Variants in CSMD1 observed in about 807,000 individuals in gnomAD.
CSMD1 encodes CUB and sushi domain-containing protein 1.
Under a neutral mutation model 417.5 loss-of-function variants are expected in CSMD1, and 213 were observed. That is an observed-to-expected ratio of 0.51 (90% CI 0.46 to 0.57). The LOEUF (loss-of-function observed/expected upper bound fraction) is 0.57. Among genes scored for constraint, CSMD1 ranks in the 20% least tolerant of loss-of-function variants. The pLI is 0.00. For synonymous variants in CSMD1, 2,862 were observed against 1,736.8 expected, an observed-to-expected ratio of 1.65 and a Z score of -16.11; for missense variants, 6,923 against 4,529.7, an observed-to-expected ratio of 1.53 and a Z score of -15.17.
intron 41 of CSMD1, among the ~76,000 whole-genome samples, chr8:3,142,079 G>A (rs904327609): frequency 1.2e-4 from 19 of 152,082 alleles, no homozygotes; most frequent in African/African-American, 4.1e-4. Flanking sequence ...TTACAGGCGT[G>A]AGCCACCGCG....
chr8:4,180,075 T>A (rs1798268704), intron 3 of CSMD1, among the ~76,000 whole-genome samples: 1 of 152,158 alleles, frequency 6.6e-6, no homozygotes, highest in South Asian at 2.1e-4. Context: ...ATCCCATTAC[T>A]GGGTATATAC....
At chr8:4,348,053 C>G (rs557851541) in intron 3 of CSMD1, among the ~76,000 whole-genome samples, 1 of 152,194 alleles carries the variant, frequency 6.6e-6, no homozygotes, top group African/African-American at 2.4e-5. Flanking sequence ...ACAACATACT[C>G]CAAAATACAC....
chr8:3,790,233 C>G (rs190023284), intron 5 of CSMD1, among the ~76,000 whole-genome samples: 1 of 152,276 alleles, frequency 6.6e-6, no homozygotes, highest in East Asian at 1.9e-4. Context: ...ACTCCTTTAT[C>G]AGGGAAGAGT....
intron 3 of CSMD1, among the ~76,000 whole-genome samples, chr8:4,043,822 G>A (rs1056727258): frequency 7.2e-5 from 11 of 152,102 alleles, no homozygotes; most frequent in African/African-American, 2.7e-4. Flanking sequence ...TCCAAATGAG[G>A]CATCATTATT....
rs796601813 is a variant in CSMD1 at position 4,008,600 on chromosome 8, C to A, written c.611-10490G>T. On this transcript the variant is annotated intron_variant, in intron 4 of 69. Transcript: ENST00000635120. ...GATTCAGTATTTTCTTTCTTTTTTTCTTTTTTTTTTTTTTTTTTTTTTTTT... is the reference window on the plus strand; with the variant it reads ...GATTCAGTATTTTCTTTCTTTTTTTATTTTTTTTTTTTTTTTTTTTTTTTT... Among the ~76,000 whole-genome samples, 243 of 80,456 alleles carry A rather than the reference C, an allele frequency of 3.0e-3. 3 individuals carry two copies. The highest frequency in any genetic ancestry group is 0.012 in the African/African-American group (233 of 18,944). The allele number at this position is 80,456 out of a possible 152,430, so 52.8% of individuals were successfully genotyped here. A position where few individuals can be genotyped will look rare whatever the true frequency, so the allele number is the denominator to read the frequency against.
intron 3 of CSMD1, among the ~76,000 whole-genome samples, chr8:4,100,293 T>C (rs1421850909): frequency 6.6e-6 from 1 of 152,218 alleles, no homozygotes; most frequent in Non-Finnish European, 1.5e-5. Flanking sequence ...TGTATCTTAT[T>C]AGTATCTTTT....
chr8:4,179,649 G>A (rs952745889), intron 3 of CSMD1, among the ~76,000 whole-genome samples: 177 of 152,138 alleles, frequency 1.2e-3, no homozygotes, highest in African/African-American at 3.9e-3. Context: ...GCAACCTACA[G>A]AATGGGAGGA....
At chr8:4,114,808 C>G (rs751717298) in intron 3 of CSMD1, among the ~76,000 whole-genome samples, 18 of 152,094 alleles carry the variant, frequency 1.2e-4, no homozygotes, top group African/African-American at 3.9e-4. Context: ...GTAGAAATAG[C>G]GAGAGGTAAA....
At chr8:3,923,488 C>A (rs1427055613) in intron 5 of CSMD1, among the ~76,000 whole-genome samples, 1 of 152,136 alleles carries the variant, frequency 6.6e-6, no homozygotes, top group Non-Finnish European at 1.5e-5. Flanking sequence ...CATGTTTACC[C>A]TTAAAGGTAT....
intron 5 of CSMD1, among the ~76,000 whole-genome samples, chr8:3,773,431 C>T (rs912705953): frequency 6.6e-6 from 1 of 152,048 alleles, no homozygotes; most frequent in Non-Finnish European, 1.5e-5. Context: ...GGACGACAGT[C>T]ATGCACCACT....
At chr8:3,226,111 G>A (rs1798487312) in intron 27 of CSMD1, among the ~76,000 whole-genome samples, 1 of 152,156 alleles carries the variant, frequency 6.6e-6, no homozygotes. Context: ...CGTTGGGGGC[G>A]ATAAATATTT....
chr8:3,548,335 T>C (rs1798763525), intron 10 of CSMD1, among the ~76,000 whole-genome samples: 1 of 152,064 alleles, frequency 6.6e-6, no homozygotes, highest in Non-Finnish European at 1.5e-5. Flanking sequence ...GAACAGGTGG[T>C]ATTTGGTTAC....
chr8:4,345,282 G>T (rs1281958675), intron 3 of CSMD1, among the ~76,000 whole-genome samples: 3 of 152,146 alleles, frequency 2.0e-5, no homozygotes, highest in African/African-American at 7.2e-5. Flanking sequence ...TGCTTTCTAT[G>T]AGGATTAACG....
At chr8:4,800,635 G>A (rs1181269733) in intron 1 of CSMD1, among the ~76,000 whole-genome samples, 3 of 152,178 alleles carry the variant, frequency 2.0e-5, no homozygotes, top group Non-Finnish European at 2.9e-5. Flanking sequence ...CATCTTTGGT[G>A]CAATCCCCCA....
intron 7 of CSMD1, among the ~76,000 whole-genome samples, chr8:3,658,423 T>C (rs201423301): frequency 6.7e-6 from 1 of 148,614 alleles, no homozygotes; most frequent in East Asian, 1.9e-4. Flanking sequence ...AGTAATGTTT[T>C]GTTTTAATGA....
At chr8:3,955,924 G>C (rs1195082556) in intron 5 of CSMD1, among the ~76,000 whole-genome samples, 1 of 152,146 alleles carries the variant, frequency 6.6e-6, no homozygotes, top group African/African-American at 2.4e-5. Flanking sequence ...GGTTAAAGCA[G>C]CTGGGATTAC....
chr8:3,104,574 GATA>G (rs1815992896), intron 46 of CSMD1, among the ~76,000 whole-genome samples: 1 of 152,076 alleles, frequency 6.6e-6, no homozygotes, highest in African/African-American at 2.4e-5. Flanking sequence ...ATGGATATCT[GATA>G]ATAATTCATT....
chr8:4,210,128 G>A (rs1198710061), intron 3 of CSMD1, among the ~76,000 whole-genome samples: 2 of 152,146 alleles, frequency 1.3e-5, no homozygotes, highest in African/African-American at 2.4e-5. Context: ...TCCTTCCTGG[G>A]CAAAGCATTT....
chr8:4,370,968 G>T (rs565571336), intron 3 of CSMD1, among the ~76,000 whole-genome samples: 37 of 152,322 alleles, frequency 2.4e-4, no homozygotes, highest in African/African-American at 8.4e-4. Context: ...TGGCGAGCTA[G>T]TGTGATTGTT....
Sources: allele counts gnomAD v4.1 joint callset (sites outside exome capture counted in the v4.1 genomes callset), GRCh38; gene constraint gnomAD v4.1.1; transcripts MANE v1.5; gene names NCBI Gene and HGNC (gene_info 2026-07-23, HGNC 2026-07-21).